CNTN5: variants seen among roughly 807,000 people sequenced by gnomAD.
CNTN5 encodes the protein contactin 5.
Under a neutral mutation model 129.1 loss-of-function variants are expected in CNTN5, and 77 were observed. That is an observed-to-expected ratio of 0.60 (90% CI 0.50 to 0.72). CNTN5 has a LOEUF of 0.72. Ranked by LOEUF, CNTN5 falls within the 30% of genes least tolerant of loss-of-function variation. The probability of loss-of-function intolerance (pLI) is 0.00; values close to 1 mark genes in which losing one functional copy is unlikely to be tolerated. For missense variants in CNTN5, 1,478 were observed against 1,328.8 expected, an observed-to-expected ratio of 1.11 and a Z score of -1.75; for synonymous variants, 509 against 465.6, an observed-to-expected ratio of 1.09 and a Z score of -1.20.
At chr11:99,915,496 C>T (rs1949764449) in intron 6 of CNTN5, among the ~76,000 whole-genome samples, 1 of 152,062 alleles carries the variant, frequency 6.6e-6, no homozygotes, top group Non-Finnish European at 1.5e-5. Context: ...CCATTCTAGG[C>T]TTTCATAAAA....
At chr11:99,040,656 A>G (rs1863949901) in intron 1 of CNTN5, among the ~76,000 whole-genome samples, 1 of 152,142 alleles carries the variant, frequency 6.6e-6, no homozygotes, top group Non-Finnish European at 1.5e-5. Flanking sequence ...GATGTTTACT[A>G]TGTGCAAGGC....
At chr11:99,178,363 C>T (rs984249866) in intron 1 of CNTN5, among the ~76,000 whole-genome samples, 1 of 119,654 alleles carries the variant, frequency 8.4e-6, no homozygotes, top group African/African-American at 3.4e-5. Flanking sequence ...CACACACACA[C>T]ACACAAAATT....
At chr11:100,071,348 A>C (rs1490624171) in intron 11 of CNTN5, among the ~76,000 whole-genome samples, 1 of 152,102 alleles carries the variant, frequency 6.6e-6, no homozygotes, top group Non-Finnish European at 1.5e-5. Flanking sequence ...TACTATATGA[A>C]TCCTTCTTTC....
At chr11:99,698,008 G>A (rs149936556) in intron 3 of CNTN5, among the ~76,000 whole-genome samples, 8 of 150,612 alleles carry the variant, frequency 5.3e-5, no homozygotes, top group Non-Finnish European at 7.4e-5. Flanking sequence ...CCGTTTCGAC[G>A]ACTGTTTTAC....
intron 3 of CNTN5, among the ~76,000 whole-genome samples, chr11:99,562,957 T>A (rs1948890140): frequency 6.6e-6 from 1 of 152,172 alleles, no homozygotes; most frequent in African/African-American, 2.4e-5. Flanking sequence ...CTTGCATGGA[T>A]GACATTTTAA....
intron 13 of CNTN5, among the ~76,000 whole-genome samples, chr11:100,086,770 C>T (rs895346489): frequency 6.6e-5 from 10 of 151,200 alleles, no homozygotes; most frequent in Non-Finnish European, 1.3e-4. Context: ...ACTTGTTTAA[C>T]TATATCAATA....
intron 2 of CNTN5, among the ~76,000 whole-genome samples, chr11:99,497,628 T>G (rs1301546848): frequency 1.3e-5 from 2 of 152,150 alleles, no homozygotes; most frequent in South Asian, 4.1e-4. Flanking sequence ...ATGACATACA[T>G]GTAGCTCAAC....
intron 18 of CNTN5, among the ~76,000 whole-genome samples, chr11:100,275,962 G>C (rs1487057368): frequency 1.3e-5 from 2 of 152,130 alleles, no homozygotes; most frequent in Non-Finnish European, 2.9e-5. Flanking sequence ...GATGCACTCT[G>C]CCTCTATTAA....
At chr11:99,408,448 G>GAAAGAGAGAAAGAGAA (rs71305322) in intron 2 of CNTN5, among the ~76,000 whole-genome samples, 1 of 78,088 alleles carries the variant, frequency 1.3e-5, no homozygotes. Flanking sequence ...AAGAAAGAAA[G>GAAAGAGAGAAAGAGAA]AGAAAGAAAG....
At chr11:99,417,033 T>C (rs1449600242) in intron 2 of CNTN5, among the ~76,000 whole-genome samples, 2 of 152,176 alleles carry the variant, frequency 1.3e-5, no homozygotes, top group Admixed American at 6.5e-5. Context: ...CAAACTAGAA[T>C]TGAACAACAA....
chr11:100,112,063 A>T (rs1239294981), intron 13 of CNTN5, among the ~76,000 whole-genome samples: 1 of 152,134 alleles, frequency 6.6e-6, no homozygotes, highest in African/African-American at 2.4e-5. Context: ...GAGGGATTAC[A>T]CCTCCGTGTT....
chr11:100,240,947 A>G (rs1949728364), intron 16 of CNTN5, among the ~76,000 whole-genome samples: 1 of 152,242 alleles, frequency 6.6e-6, no homozygotes, highest in Non-Finnish European at 1.5e-5. Context: ...GTAAAAGTCC[A>G]TATAGCCACA....
At chr11:100,339,075 G>T (rs1248248322) in intron 21 of CNTN5, among the ~76,000 whole-genome samples, 1 of 152,076 alleles carries the variant, frequency 6.6e-6, no homozygotes, top group East Asian at 1.9e-4. Flanking sequence ...CAGGGTGCCT[G>T]TGACCCTGAA....
chr11:100,031,843 T>A (rs1427871807), intron 9 of CNTN5, among the ~76,000 whole-genome samples: 1 of 152,154 alleles, frequency 6.6e-6, no homozygotes, highest in African/African-American at 2.4e-5. Context: ...GATCAAATGA[T>A]CCTAAATCCC....
chr11:99,452,521 C>T (rs559109239), intron 2 of CNTN5, among the ~76,000 whole-genome samples: 8 of 151,762 alleles, frequency 5.3e-5, no homozygotes, highest in Non-Finnish European at 1.0e-4. Context: ...TACAGGTGCC[C>T]GCCACCACAC....
At chr11:99,853,676 G>A (rs376430227) in intron 6 of CNTN5, among the ~76,000 whole-genome samples, 10 of 152,088 alleles carry the variant, frequency 6.6e-5, no homozygotes, top group Middle Eastern at 3.4e-3. Flanking sequence ...CACTGCACCC[G>A]GCTTTATATA....
At chr11:99,814,126 A>T (rs950308553) in intron 3 of CNTN5, among the ~76,000 whole-genome samples, 1 of 152,208 alleles carries the variant, frequency 6.6e-6, no homozygotes, top group Non-Finnish European at 1.5e-5. Flanking sequence ...AATCATCTGG[A>T]GAGATGTCCT....
intron 1 of CNTN5, among the ~76,000 whole-genome samples, chr11:99,192,528 T>G (rs1409695466): frequency 6.6e-6 from 1 of 151,888 alleles, no homozygotes; most frequent in African/African-American, 2.4e-5. Context: ...TAAAAATATA[T>G]TTGAATAACA....
chr11:100,132,506 T>G (rs998386814), intron 13 of CNTN5, among the ~76,000 whole-genome samples: 13 of 152,088 alleles, frequency 8.5e-5, no homozygotes, highest in African/African-American at 3.1e-4. Context: ...CTTCTCAAAT[T>G]TTAGGGGTTT....
Sources: gnomAD v4.1 joint callset for allele counts (sites outside exome capture counted in the v4.1 genomes callset) on GRCh38, gnomAD v4.1.1 for gene constraint, MANE v1.5 for transcripts, NCBI Gene and HGNC (gene_info 2026-07-23, HGNC 2026-07-21) for gene names.